AHRR: variants seen among roughly 807,000 people sequenced by gnomAD.
The protein encoded by AHRR is aryl hydrocarbon receptor repressor, also known as ahR repressor.
A neutral mutation model predicts 44.0 loss-of-function variants in AHRR; 28 were observed. That is an observed-to-expected ratio of 0.64 (90% CI 0.47 to 0.87). The LOEUF is 0.87. AHRR is among the 40% of genes least tolerant of loss of function. AHRR has a pLI of 0.00. For synonymous variants in AHRR, 434 were observed against 407.0 expected, an observed-to-expected ratio of 1.07 and a Z score of -0.80; for missense variants, 990 against 953.9, an observed-to-expected ratio of 1.04 and a Z score of -0.50.
At chr5:431,987 A>G (rs1319419156) in intron 8 of AHRR, 2 of 156,466 alleles carry the variant, frequency 1.3e-5, no homozygotes, top group Admixed American at 6.4e-5. Context: ...AAAAGAAAAT[A>G]GAATCTACCA....
intron 5 of AHRR, 101 bp downstream of exon 5, chr5:413,534 G>T: frequency 4.5e-6 from 4 of 894,514 alleles, no homozygotes; most frequent in South Asian, 1.6e-5. Context: ...GTAAAATCAG[G>T]CTTTTCCTAT....
At position 337,252 on chromosome 5, in the gene AHRR, C is replaced by G. The variant is rs1742172072; in HGVS notation, c.-10-6641C>G. On this transcript the variant is annotated intron_variant, in intron 1 of 10. Coordinates refer to ENST00000684583, the MANE Select transcript of AHRR (RefSeq NM_001377236.1). The surrounding 1 kb of genome is among the most constrained non-coding windows in gnomAD (Gnocchi z 4.1). ...GCCTGCCAACCCCAGCCCACTTAGA[C>G]TCCACTGTCCTCCCCACTTTATAGA... is the stretch of plus-strand genomic sequence containing the variant. 6.8e-6 allele frequency among the ~76,000 whole-genome samples: 1 copy of G among 146,626 alleles called. No individual in the cohort carries two copies. The highest frequency in any genetic ancestry group is 1.5e-5 in the Non-Finnish European group (1 of 68,020).
intron 3 of AHRR, among the ~76,000 whole-genome samples, chr5:366,070 C>G (rs917524500): frequency 6.6e-6 from 1 of 151,874 alleles, no homozygotes; most frequent in Non-Finnish European, 1.5e-5. Context: ...CCCCCCCACC[C>G]CCTGCCCCAC....
chr5:325,640 C>T (rs1023544921), intron 1 of AHRR, among the ~76,000 whole-genome samples: 4 of 152,156 alleles, frequency 2.6e-5, no homozygotes, highest in Non-Finnish European at 5.9e-5. Context: ...CCCTCCGCAC[C>T]ACCTCCACCC....
intron 4 of AHRR, among the ~76,000 whole-genome samples, chr5:410,969 G>A (rs145607793): frequency 1.2e-3 from 174 of 151,080 alleles, no homozygotes; most frequent in Non-Finnish European, 1.2e-3. Flanking sequence ...AATATTTGTA[G>A]GACCTGTAGT....
chr5:421,858 C>T (rs192757157), intron 5 of AHRR, among the ~76,000 whole-genome samples: 3 of 152,304 alleles, frequency 2.0e-5, no homozygotes, highest in Admixed American at 1.3e-4. Flanking sequence ...TTACATTCCT[C>T]TGAAGTCTTG....
In AHRR at chr5:419,384, C is replaced by T. The variant is rs2126525666; in HGVS notation, c.442-3345C>T. Among the ~76,000 whole-genome samples, 1 of 152,244 alleles carries T rather than the reference C, an allele frequency of 6.6e-6. No homozygotes were observed. The highest frequency in any genetic ancestry group is 1.5e-5 in the Non-Finnish European group (1 of 68,014). ...TTCACCATGTTGAAGCCAGGCTGATCTCAAACTCCCAACCTCAAGTGATCT... is the reference window on the plus strand; with the variant it reads ...TTCACCATGTTGAAGCCAGGCTGATTTCAAACTCCCAACCTCAAGTGATCT... On this transcript the variant is annotated intron_variant, in intron 5 of 10. Coordinates refer to ENST00000684583, the MANE Select transcript of AHRR (RefSeq NM_001377236.1). This position sits in a 1 kb window ranked among gnomAD's most constrained non-coding sequence, Gnocchi z 4.4.
intron 2 of AHRR, among the ~76,000 whole-genome samples, chr5:353,058 A>T (rs1357552097): frequency 6.6e-6 from 1 of 152,110 alleles, no homozygotes; most frequent in Non-Finnish European, 1.5e-5. Flanking sequence ...TGGAAGCCCC[A>T]CAGGTGGCCC....
Position 321,929 on chromosome 5 carries a change from C to T in AHRR, c.-11+110C>T, listed in dbSNP as rs1741508461. On this transcript the variant is annotated intron_variant, in intron 1 of 10. Coordinates refer to ENST00000684583, the MANE Select transcript of AHRR (RefSeq NM_001377236.1). The surrounding 1 kb of genome is among the most constrained non-coding windows in gnomAD (Gnocchi z 8.3). ...GGACGGGCGCCGGCGTCGGGACCCTCCTCACGCCGCATCCTCGCGTCGCCA... is the reference window on the plus strand; with the variant it reads ...GGACGGGCGCCGGCGTCGGGACCCTTCTCACGCCGCATCCTCGCGTCGCCA... The T allele has an allele frequency of 6.6e-6, 1 of 152,040 alleles. No individual in the cohort carries two copies. The highest frequency in any genetic ancestry group is 2.4e-5 in the African/African-American group (1 of 41,426). The allele number at this position is 152,040 out of a possible 1,614,324, so 9.4% of individuals were successfully genotyped here. A position where few individuals can be genotyped will look rare whatever the true frequency, so the allele number is the denominator to read the frequency against.
Position 432,816 on chromosome 5 carries a change from CAGAG to C in AHRR, c.986_989del (p.Glu329AlafsTer52). 5 of 1,613,866 alleles carry C rather than the reference CAGAG, an allele frequency of 3.1e-6. No homozygotes were observed. The highest frequency in any genetic ancestry group is 2.2e-5 in the East Asian group (1 of 44,874). ...TCTAAACCCCAACAGGAAGGAGCAG[CAGAG>C]AGAGCGGCGTTTTGGTGCTCAGGGA... is the stretch of plus-strand genomic sequence containing the variant. On this transcript the variant is annotated frameshift_variant, in exon 10 of 11. Transcript: ENST00000684583.
intron 3 of AHRR, chr5:367,900 AC>A: frequency 1.4e-6 from 1 of 702,498 alleles, no homozygotes; most frequent in Non-Finnish European, 2.6e-6. Flanking sequence ...AGCATTGGAC[AC>A]CCAGGCCCTG....
At chr5:371,584 A>C (rs1014480511) in intron 3 of AHRR, among the ~76,000 whole-genome samples, 1 of 152,118 alleles carries the variant, frequency 6.6e-6, no homozygotes, top group Non-Finnish European at 1.5e-5. Flanking sequence ...CCATAGTAGG[A>C]CTGAGCATCT....
At chr5:394,141 G>A (rs1458176788) in intron 4 of AHRR, among the ~76,000 whole-genome samples, 8 of 152,224 alleles carry the variant, frequency 5.3e-5, no homozygotes, top group Non-Finnish European at 8.8e-5. Flanking sequence ...TGGGTTTCTT[G>A]CTGGCTCTGT....
chr5:385,595 TCA>T (rs1207550064), intron 4 of AHRR, among the ~76,000 whole-genome samples: 1 of 152,246 alleles, frequency 6.6e-6, no homozygotes, highest in Non-Finnish European at 1.5e-5. Flanking sequence ...GATGAGAAAT[TCA>T]CAGTCATTCA....
chr5:381,898 G>A (rs1734002893), intron 4 of AHRR, among the ~76,000 whole-genome samples: 1 of 152,088 alleles, frequency 6.6e-6, no homozygotes, highest in Non-Finnish European at 1.5e-5. Flanking sequence ...AGCTCTTATT[G>A]TGAATGGATG....
At chr5:426,616 T>C (rs1229725445) in intron 7 of AHRR, among the ~76,000 whole-genome samples, 2 of 118,588 alleles carry the variant, frequency 1.7e-5, no homozygotes, top group Non-Finnish European at 4.0e-5. Flanking sequence ...GATGGATGGA[T>C]GGACGGATGG....
intron 4 of AHRR, among the ~76,000 whole-genome samples, chr5:378,589 G>A (rs995704370): frequency 6.6e-6 from 1 of 152,242 alleles, no homozygotes; most frequent in African/African-American, 2.4e-5. Context: ...GCCACAGCCC[G>A]TGGCTTCCCC....
chr5:356,477 G>A (rs1247871031), intron 3 of AHRR, among the ~76,000 whole-genome samples: 35 of 151,104 alleles, frequency 2.3e-4, no homozygotes, highest in Admixed American at 9.2e-4. Context: ...GAGCGCCCGC[G>A]AGTGGAGGCC....
At position 434,834 on chromosome 5, in the gene AHRR, G is replaced by T. The variant is rs757326139; in HGVS notation, c.2094G>T (p.Ter698TyrextTer46). ...PQASGCTFLP[*>Y] is the part of the protein sequence containing the mutation. ...CTTCGGGGTGCACATTCCTGCCATA[G>T]CGCAGTGACCACCATCCAAGCTCAG... is the stretch of plus-strand genomic sequence containing the variant. Residue 698 changes from the stop codon to tyrosine, a stop_lost, in exon 11 of 11, where the codon TAG (stop) becomes TAT (tyrosine). Transcript: ENST00000684583. The T allele has an allele frequency of 3.4e-5, 52 of 1,541,914 alleles. No individual in the cohort carries two copies. Among genetic ancestry groups the T allele is most frequent in the Non-Finnish European group, 4.1e-5 (47 of 1,140,182 alleles).
Sources: gnomAD v4.1 joint callset for allele counts (sites outside exome capture counted in the v4.1 genomes callset) on GRCh38, gnomAD v4.1.1 for gene constraint, Gnocchi (gnomAD v3.1) non-coding constraint, MANE v1.5 for transcripts, NCBI Gene and HGNC (gene_info 2026-07-23, HGNC 2026-07-21) for gene names.